The following FAM13A variants were observed in gnomAD, a reference collection of about 807,000 sequenced individuals.
The protein encoded by FAM13A is protein FAM13A.
A neutral mutation model predicts 129.6 loss-of-function variants in FAM13A; 76 were observed. That is an observed-to-expected ratio of 0.59 (90% CI 0.49 to 0.71). The LOEUF (loss-of-function observed/expected upper bound fraction) is 0.71. FAM13A is among the 30% of genes least tolerant of loss of function. The pLI is 0.00. For synonymous variants in FAM13A, 443 were observed against 449.9 expected (o/e 0.98, Z 0.20); for missense variants, 1,108 against 1,249.3 (o/e 0.89, Z 1.70).
chr4:88,898,808 C>A (rs1320602275), intron 6 of FAM13A, among the ~76,000 whole-genome samples: 1 of 151,932 alleles, frequency 6.6e-6, no homozygotes, highest in African/African-American at 2.4e-5. Flanking sequence ...GGGAACACTT[C>A]TACACCACTG....
intron 5 of FAM13A, among the ~76,000 whole-genome samples, chr4:88,927,193 C>T (rs1207626123): frequency 6.6e-6 from 1 of 151,312 alleles, no homozygotes; most frequent in Non-Finnish European, 1.5e-5. Context: ...AAATATATTC[C>T]TATGTATATT....
Position 88,728,608 on chromosome 4 carries a change from A to AT in FAM13A, c.2996dup (p.Tyr999Ter). 13 of 1,614,126 alleles carry AT rather than the reference A, an allele frequency of 8.1e-6. No homozygotes were observed. Among genetic ancestry groups the AT allele is most frequent in the Non-Finnish European group, 1.1e-5 (13 of 1,179,996 alleles). ...GCCTCAGTTTCGCCTTTATGTGCTT[A>AT]TATTCACTGTATTCTTCAGCCATAG... ...RTPMAEEYSE[Y>*]KHIKAKLRLL... is the part of the protein sequence containing the mutation. Residue 999 changes from tyrosine (Y) to a stop codon, truncating the protein, a stop_gained and frameshift_variant, in exon 24 of 24, where the codon TAT becomes TAAT. Coordinates refer to ENST00000264344, the MANE Select transcript of FAM13A (RefSeq NM_014883.4). LOFTEE classifies it high-confidence loss of function.
At chr4:88,780,826 C>T (rs7677568) in intron 11 of FAM13A, among the ~76,000 whole-genome samples, 111,554 of 151,640 alleles carry the variant, frequency 0.74, 41,767 homozygotes, top group Non-Finnish European at 0.82. Context: ...CATATTCACT[C>T]AGACAAGAAC....
At chr4:89,052,302 CTTTAT>C (rs201127557) in intron 1 of FAM13A, among the ~76,000 whole-genome samples, 10 of 143,110 alleles carry the variant, frequency 7.0e-5, no homozygotes, top group Middle Eastern at 7.1e-3. Context: ...TTTTACTTTA[CTTTAT>C]TTTATTTTAT....
chr4:88,783,574 G>T (rs552940219), intron 10 of FAM13A, among the ~76,000 whole-genome samples: 1 of 152,118 alleles, frequency 6.6e-6, no homozygotes. Context: ...ATGAGCCACT[G>T]CGCCCAGCCC....
intron 6 of FAM13A, among the ~76,000 whole-genome samples, chr4:88,888,718 G>C (rs924218527): frequency 5.9e-5 from 9 of 151,302 alleles, no homozygotes; most frequent in Non-Finnish European, 1.2e-4. Flanking sequence ...CGGGTCAGGA[G>C]ATCGAGACCA....
In FAM13A at chr4:88,739,011, G is replaced by A. The variant is rs2290356; in HGVS notation, c.2562+19C>T. 8.4e-4 allele frequency: 1,274 copies of A among 1,516,430 alleles called. 17 individuals carry two copies. The East Asian group carries it at 0.024, about 28-fold the overall frequency. 93.9% of individuals were successfully genotyped at this position (1,516,430 alleles called of 1,614,324 possible). ...AGCGGAAAGGTGTTGTACCAGCCAC[G>A]GGAAGGTATTCTACTCACAATGATG... On this transcript the variant is annotated intron_variant, in intron 20 of 23. Coordinates refer to ENST00000264344, the MANE Select transcript of FAM13A (RefSeq NM_014883.4).
intron 7 of FAM13A, among the ~76,000 whole-genome samples, chr4:88,805,433 A>G (rs1002669933): frequency 1.3e-5 from 2 of 152,210 alleles, no homozygotes; most frequent in Admixed American, 6.5e-5. Context: ...GATGATGAAA[A>G]TAAGAAACAA....
chr4:88,799,577 C>T (rs1438170207), intron 8 of FAM13A, among the ~76,000 whole-genome samples: 9 of 152,058 alleles, frequency 5.9e-5, no homozygotes, highest in African/African-American at 1.9e-4. Context: ...CTCCACCTTC[C>T]GGGTTCAGGG....
At chr4:88,940,184 T>C (rs942797329) in intron 4 of FAM13A, among the ~76,000 whole-genome samples, 1 of 152,094 alleles carries the variant, frequency 6.6e-6, no homozygotes, top group African/African-American at 2.4e-5. Context: ...AACTGGGTAG[T>C]GGAAGGAGAC....
At chr4:89,047,273 TG>T (rs35061451) in intron 1 of FAM13A, among the ~76,000 whole-genome samples, 3 of 152,060 alleles carry the variant, frequency 2.0e-5, no homozygotes, top group African/African-American at 7.2e-5. Context: ...TGGTTTTTTT[TG>T]GGGGGGTTGT....
At chr4:88,804,969 C>T (rs1396579933) in intron 8 of FAM13A, 42 bp downstream of exon 8, 4 of 1,158,978 alleles carry the variant, frequency 3.5e-6, no homozygotes, top group Non-Finnish European at 3.9e-6. Context: ...CCTTAACCCT[C>T]CTTTATTCCC....
intron 7 of FAM13A, chr4:88,822,859 C>A: frequency 1.4e-6 from 2 of 1,432,634 alleles, no homozygotes; most frequent in South Asian, 2.8e-5. Flanking sequence ...ATATGTACAA[C>A]GGACTCTACA....
At chr4:88,893,353 A>G (rs538208916) in intron 6 of FAM13A, among the ~76,000 whole-genome samples, 10 of 152,238 alleles carry the variant, frequency 6.6e-5, no homozygotes, top group South Asian at 4.1e-4. Flanking sequence ...GGCTGGGTGC[A>G]GTGGCTCACG....
At chr4:88,873,763 G>A (rs533371158) in intron 6 of FAM13A, among the ~76,000 whole-genome samples, 23 of 152,274 alleles carry the variant, frequency 1.5e-4, no homozygotes, top group Admixed American at 2.6e-4. Flanking sequence ...TAGAAAAAGA[G>A]GGAATCCTCC....
intron 1 of FAM13A, among the ~76,000 whole-genome samples, chr4:89,054,746 T>C (rs1772013267): frequency 6.6e-6 from 1 of 152,164 alleles, no homozygotes; most frequent in Non-Finnish European, 1.5e-5. Context: ...ATATCCACAC[T>C]GACTTTTCAT....
At chr4:89,005,045 T>C (rs1006897831) in intron 3 of FAM13A, among the ~76,000 whole-genome samples, 1 of 152,082 alleles carries the variant, frequency 6.6e-6, no homozygotes, top group Admixed American at 6.6e-5. Context: ...GCTGTTACCT[T>C]TACTGTTCCT....
At chr4:89,009,661 C>G (rs1325627721) in intron 3 of FAM13A, among the ~76,000 whole-genome samples, 6 of 152,132 alleles carry the variant, frequency 3.9e-5, no homozygotes, top group African/African-American at 1.4e-4. Flanking sequence ...GTCAATATTG[C>G]AAACCATATA....
At chr4:88,846,002 AT>A (rs1736584573) in intron 7 of FAM13A, among the ~76,000 whole-genome samples, 1 of 152,214 alleles carries the variant, frequency 6.6e-6, no homozygotes, top group Non-Finnish European at 1.5e-5. Context: ...TATTCTTCAT[AT>A]TATTTTAGAT....
Sources: gnomAD v4.1 joint callset for allele counts (sites outside exome capture counted in the v4.1 genomes callset) on GRCh38, gnomAD v4.1.1 for gene constraint, MANE v1.5 for transcripts, NCBI Gene and HGNC (gene_info 2026-07-23, HGNC 2026-07-21) for gene names.